GIPC2: variants seen among roughly 807,000 people sequenced by gnomAD.
GIPC2 encodes GIPC PDZ domain containing family member 2, also known as PDZ domain-containing protein GIPC2.
GIPC2 carries 30 observed loss-of-function variants against 30.6 expected under a neutral mutation model. That is an observed-to-expected ratio of 0.98 (90% CI 0.73 to 1.33). The LOEUF is 1.33. Ranked by LOEUF, GIPC2 falls within the 40% of genes most tolerant of loss-of-function variation. GIPC2 has a pLI of 0.00. For synonymous variants in GIPC2, 167 were observed against 150.0 expected, an observed-to-expected ratio of 1.11 and a Z score of -0.83; for missense variants, 414 against 390.3, an observed-to-expected ratio of 1.06 and a Z score of -0.51.
Position 78,069,118 on chromosome 1 carries a change from C to T in GIPC2, c.241-11557C>T, listed in dbSNP as rs527871701. The T allele has an allele frequency of 2.9e-5, 29 of 984,244 alleles. No individual in the cohort carries two copies. The South Asian group carries it at 7.5e-4, about 26-fold the overall frequency. The allele number at this position is 984,244 out of a possible 1,614,324, so 61.0% of individuals were successfully genotyped here. On this transcript the variant is annotated intron_variant, in intron 1 of 5. Transcript: ENST00000370759. ...ACAGGTTGCTGATAATCAACAACTCCGAGCAAAGGTCAGTCAGCCAGGGCA... is the reference window on the plus strand; with the variant it reads ...ACAGGTTGCTGATAATCAACAACTCTGAGCAAAGGTCAGTCAGCCAGGGCA...
intron 2 of GIPC2, among the ~76,000 whole-genome samples, chr1:78,086,289 G>A (rs1326825787): frequency 6.6e-6 from 1 of 152,070 alleles, no homozygotes; most frequent in African/African-American, 2.4e-5. Flanking sequence ...GAGTATGTTT[G>A]GTATGATTTC....
intron 1 of GIPC2, among the ~76,000 whole-genome samples, chr1:78,077,690 G>A (rs1009901326): frequency 2.6e-5 from 4 of 152,208 alleles, no homozygotes; most frequent in African/African-American, 9.6e-5. Flanking sequence ...TTCACTGCCT[G>A]TTGTGTAGCG....
At chr1:78,120,514 G>T (rs558870444) in intron 4 of GIPC2, among the ~76,000 whole-genome samples, 1 of 152,062 alleles carries the variant, frequency 6.6e-6, no homozygotes, top group Non-Finnish European at 1.5e-5. Context: ...CTTAATTTTT[G>T]TCAAAGCAAT....
At chr1:78,084,249 C>T (rs896137114) in intron 2 of GIPC2, among the ~76,000 whole-genome samples, 3 of 152,160 alleles carry the variant, frequency 2.0e-5, no homozygotes, top group Non-Finnish European at 4.4e-5. Flanking sequence ...CATGGTGGCT[C>T]ACACCTGTTA....
At chr1:78,113,863 ATTT>A (rs35608832) in intron 3 of GIPC2, among the ~76,000 whole-genome samples, 1 of 137,270 alleles carries the variant, frequency 7.3e-6, no homozygotes. Flanking sequence ...GCCCATACCT[ATTT>A]TTTTTTTTTT....
chr1:78,088,911 C>G (rs1571499599), intron 2 of GIPC2: 1 of 151,730 alleles, frequency 6.6e-6, no homozygotes, highest in Admixed American at 6.6e-5. Context: ...TATCCCATTA[C>G]TTTTCCACAC....
intron 3 of GIPC2, among the ~76,000 whole-genome samples, chr1:78,106,835 C>T (rs746868017): frequency 1.1e-4 from 16 of 151,790 alleles, no homozygotes; most frequent in Non-Finnish European, 1.8e-4. Context: ...CATGTACCAC[C>T]ATGACTAATT....
chr1:78,106,234 C>CA (rs768556241), intron 3 of GIPC2, among the ~76,000 whole-genome samples: 2,423 of 52,530 alleles, frequency 0.046, 95 homozygotes, highest in African/African-American at 0.14. Context: ...GACTCTGTCT[C>CA]AAAAAAAAAA....
intron 5 of GIPC2, among the ~76,000 whole-genome samples, chr1:78,134,831 T>C (rs1377183185): frequency 1.3e-5 from 2 of 152,136 alleles, no homozygotes; most frequent in African/African-American, 2.4e-5. Flanking sequence ...ACATCACATA[T>C]ACACCATCTC....
chr1:78,049,440 G>A (rs182902093), intron 1 of GIPC2, among the ~76,000 whole-genome samples: 8 of 152,242 alleles, frequency 5.3e-5, no homozygotes, highest in East Asian at 1.9e-4. Flanking sequence ...GAACCACCAC[G>A]CCCAGCCCTG....
intron 5 of GIPC2, among the ~76,000 whole-genome samples, chr1:78,131,790 G>A (rs1389605452): frequency 1.3e-5 from 2 of 152,194 alleles, no homozygotes; most frequent in Non-Finnish European, 2.9e-5. Flanking sequence ...TATACTTTAT[G>A]TATTAGGAAA....
upstream of GIPC2, among the ~76,000 whole-genome samples, chr1:78,045,265 G>C (rs139056201): frequency 6.6e-6 from 1 of 152,320 alleles, no homozygotes; most frequent in East Asian, 1.9e-4. Flanking sequence ...AATAATTCAA[G>C]ACTGTTTTGC....
At chr1:78,064,728 A>G (rs921962400) in intron 1 of GIPC2, among the ~76,000 whole-genome samples, 1 of 146,350 alleles carries the variant, frequency 6.8e-6, no homozygotes, top group African/African-American at 2.5e-5. Context: ...TGGTACAATC[A>G]TAACTCATGC....
At chr1:78,054,717 C>T (rs1341909618) in intron 1 of GIPC2, among the ~76,000 whole-genome samples, 1 of 152,164 alleles carries the variant, frequency 6.6e-6, no homozygotes, top group East Asian at 1.9e-4. Context: ...GCAAGAAAAA[C>T]ATGACTCATT....
chr1:78,095,772 A>G (rs1426762137), intron 3 of GIPC2, among the ~76,000 whole-genome samples: 1 of 152,178 alleles, frequency 6.6e-6, no homozygotes, highest in Non-Finnish European at 1.5e-5. Context: ...ACCCAGAACT[A>G]TTTTAATAAG....
At chr1:78,091,768 G>C in intron 2 of GIPC2, 1 of 776,476 alleles carries the variant, frequency 1.3e-6, no homozygotes, top group Non-Finnish European at 2.4e-6. Flanking sequence ...AAGTAGCACA[G>C]AAGAGGGAGG....
At chr1:78,076,354 T>G (rs1186576551) in intron 1 of GIPC2, among the ~76,000 whole-genome samples, 2 of 152,354 alleles carry the variant, frequency 1.3e-5, no homozygotes, top group Admixed American at 1.3e-4. Context: ...GTCTTCCATA[T>G]AGATGAGGCA....
chr1:78,068,764 A>G (rs577317345), intron 1 of GIPC2, among the ~76,000 whole-genome samples: 2 of 152,294 alleles, frequency 1.3e-5, no homozygotes, highest in East Asian at 3.9e-4. Flanking sequence ...AAGGTTTTGC[A>G]TTATAGGCAT....
intron 2 of GIPC2, among the ~76,000 whole-genome samples, chr1:78,083,110 C>CT (rs5775443): frequency 0.96 from 146,193 of 152,234 alleles, 70,311 homozygotes; most frequent in East Asian, 1. Flanking sequence ...GTCTTATCAG[C>CT]GTCCTAATTG....
Sources: allele counts gnomAD v4.1 joint callset (sites outside exome capture counted in the v4.1 genomes callset), GRCh38; gene constraint gnomAD v4.1.1; transcripts MANE v1.5; gene names NCBI Gene and HGNC (gene_info 2026-07-23, HGNC 2026-07-21).